Variants in DNAH6 observed in about 807,000 individuals in gnomAD.
DNAH6 encodes the protein axonemal beta dynein heavy chain 6.
DNAH6 carries 340 observed loss-of-function variants against 491.4 expected under a neutral mutation model. The ratio of observed to expected loss-of-function variants is 0.69; its 90% CI spans 0.63 to 0.76. DNAH6 has a LOEUF of 0.76. DNAH6 is among the 30% of genes least tolerant of loss of function. The pLI is 0.00. For missense variants in DNAH6, 4,443 were observed against 4,972.2 expected (o/e 0.89, Z 3.20); for synonymous variants, 1,603 against 1,686.1 (o/e 0.95, Z 1.21).
intron 12 of DNAH6, among the ~76,000 whole-genome samples, chr2:84,576,028 A>G (rs1682408628): frequency 6.6e-6 from 1 of 152,240 alleles, no homozygotes; most frequent in Non-Finnish European, 1.5e-5. Context: ...AATGGTTCCC[A>G]AAGTTGTGTT....
At chr2:84,793,203 C>A (rs1014335148) in intron 68 of DNAH6, among the ~76,000 whole-genome samples, 3 of 146,538 alleles carry the variant, frequency 2.0e-5, no homozygotes, top group Non-Finnish European at 4.5e-5. Context: ...CACACACACG[C>A]ATGCACACAC....
At chr2:84,509,363 T>G in the DNAH6 span, among the ~76,000 whole-genome samples, 1 of 152,224 alleles carries the variant, frequency 6.6e-6, no homozygotes, top group South Asian at 2.1e-4. Context: ...CTTGTTGGTT[T>G]AAAGTCTGTT....
At chr2:84,819,267 C>G in intron 76 of DNAH6, 38 bp from the exon 77 acceptor site, 1 of 1,418,340 alleles carries the variant, frequency 7.1e-7, no homozygotes, top group Middle Eastern at 1.8e-4. Context: ...AAGTTATTCT[C>G]TTAAGTAACA....
At position 84,584,198 on chromosome 2, in the gene DNAH6, G is replaced by A. The variant is rs1393812966; in HGVS notation, c.2429G>A (p.Ser810Asn). 4.3e-6 allele frequency: 7 copies of A among 1,614,008 alleles called. No homozygotes were observed. Among genetic ancestry groups the A allele is most frequent in the Admixed American group, 3.3e-5 (2 of 59,994 alleles). The stretch of plus-strand genomic sequence containing the variant: ...AAGCAATTTTGTGTGCATTTGGGTA[G>A]TGATCTTGAAGAATTAAACAACGAA... Reference protein sequence around the residue: ...SIKQFCVHLGSDLEELNNEVN... With the variant: ...SIKQFCVHLGNDLEELNNEVN... Residue 810 changes from serine (S) to asparagine (N), a missense_variant, in exon 15 of 77, where the codon AGT (serine) becomes AAT (asparagine). By Grantham distance (46) the Ser-to-Asn change is conservative. Coordinates refer to ENST00000389394, the MANE Select transcript of DNAH6 (RefSeq NM_001370.2).
chr2:84,672,359 G>A lies in DNAH6; in HGVS notation c.6487G>A (p.Val2163Ile), dbSNP rs1488785314. The change falls in exon 40 of 77, where the codon GTT (valine) becomes ATT (isoleucine). Residue 2163 changes from valine to isoleucine, a missense_variant. Transcript: ENST00000389394. ...GGGAAACAAACGAATTGTGATTTTTGTTGATGATTTAAACATGCCCAGACT... is the reference window on the plus strand; with the variant it reads ...GGGAAACAAACGAATTGTGATTTTTATTGATGATTTAAACATGCCCAGACT... ...APGNKRIVIF[V>I]DDLNMPRLDR... The A allele has an allele frequency of 1.9e-6, 3 of 1,549,930 alleles. No individual in the cohort carries two copies. The highest frequency in any genetic ancestry group is 1.7e-4 in the Middle Eastern group (1 of 5,984).
intron 21 of DNAH6, among the ~76,000 whole-genome samples, chr2:84,610,956 G>A (rs1310727650): frequency 1.3e-4 from 20 of 152,166 alleles, no homozygotes; most frequent in Non-Finnish European, 1.5e-5. Flanking sequence ...TGGAAAGTGT[G>A]AGACCTGAGA....
chr2:84,624,384 A>T lies in DNAH6; in HGVS notation c.4191A>T (p.Gln1397His). The change falls in exon 27 of 77, where the codon CAA becomes CAT. Residue 1397 changes from glutamine to histidine, a missense_variant. This residue lies in a region of DNAH6 where 2,977 missense variants were observed against 3,296.6 expected (regional missense o/e 0.90). Transcript: ENST00000389394. ...HARDIVTELV[Q>H]SKVETVESFD... ...GAGATATAGTCACTGAACTTGTTCA[A>T]TCCAAGGTAACTGTTTCATTTAAGT... is the stretch of plus-strand genomic sequence containing the variant. The T allele has an allele frequency of 6.4e-7, 1 of 1,550,590 alleles. No individual in the cohort carries two copies.
chr2:84,806,813 G>A (rs905149206), intron 71 of DNAH6, among the ~76,000 whole-genome samples: 14 of 152,176 alleles, frequency 9.2e-5, no homozygotes, highest in African/African-American at 3.4e-4. Context: ...GCCCCTGGAA[G>A]AAAAGGAGCC....
chr2:84,653,127 A>G (rs1690608791), intron 33 of DNAH6, among the ~76,000 whole-genome samples, 192 bp from the exon 34 acceptor site: 1 of 152,126 alleles, frequency 6.6e-6, no homozygotes, highest in African/African-American at 2.4e-5. Context: ...ACAGGAAACA[A>G]ACAAAATCAT....
chr2:84,540,033 C>G (rs1678089378), intron 4 of DNAH6, among the ~76,000 whole-genome samples: 1 of 152,102 alleles, frequency 6.6e-6, no homozygotes, highest in African/African-American at 2.4e-5. Context: ...ACACCCAAAT[C>G]ATAATACTTT....
intron 3 of DNAH6, among the ~76,000 whole-genome samples, chr2:84,528,347 C>T (rs1011718570): frequency 3.9e-5 from 6 of 152,156 alleles, no homozygotes; most frequent in Non-Finnish European, 8.8e-5. Context: ...AAGCACTGGT[C>T]TAAAAAACAG....
At chr2:84,518,524 G>C (rs1675812377) in intron 2 of DNAH6, among the ~76,000 whole-genome samples, 2 of 152,204 alleles carry the variant, frequency 1.3e-5, no homozygotes, top group Non-Finnish European at 2.9e-5. Context: ...GTAAAGAGCA[G>C]TGAAAGCGAA....
At chr2:84,487,458 A>G in the DNAH6 span, among the ~76,000 whole-genome samples, 1 of 152,200 alleles carries the variant, frequency 6.6e-6, no homozygotes, top group African/African-American at 2.4e-5. Context: ...AGCAACTGCA[A>G]TGGTATTCAT....
intron 33 of DNAH6, among the ~76,000 whole-genome samples, chr2:84,650,617 T>C (rs1690367685): frequency 6.6e-6 from 1 of 152,148 alleles, no homozygotes; most frequent in Non-Finnish European, 1.5e-5. Context: ...CTGTGTGTAG[T>C]CACATGTACC....
At position 84,525,592 on chromosome 2, in the gene DNAH6, A is replaced by G. The variant is rs865923563; in HGVS notation, c.253A>G (p.Lys85Glu). 1.0e-5 allele frequency: 16 copies of G among 1,547,848 alleles called. No individual in the cohort carries two copies. The Middle Eastern group carries it at 5.0e-4, about 49-fold the overall frequency. ...LPVLKVYQDH[K>E]QPEYIHEQNR... ...AGTGCTAAAAGTCTACCAAGATCAT[A>G]AGCAGCCAGAATACATACATGAACA... The change falls in exon 3 of 77, where the codon AAG becomes GAG. Residue 85 changes from lysine (K) to glutamate (E), a missense_variant. Lys to Glu is a moderately conservative substitution (Grantham distance 56). Transcript: ENST00000389394.
intron 58 of DNAH6, among the ~76,000 whole-genome samples, chr2:84,717,325 G>A (rs1435023585): frequency 6.6e-6 from 1 of 152,110 alleles, no homozygotes; most frequent in Admixed American, 6.5e-5. Context: ...TGAATTTGAG[G>A]TTATGATTTT....
chr2:84,509,098 G>T, the DNAH6 span, among the ~76,000 whole-genome samples: 25 of 152,280 alleles, frequency 1.6e-4, no homozygotes, highest in East Asian at 2.5e-3. Context: ...TTGGTGCAGA[G>T]CTGAGTTCAA....
chr2:84,550,200 C>A (rs1053137057), intron 9 of DNAH6, 143 bp downstream of exon 9: 11 of 652,544 alleles, frequency 1.7e-5, no homozygotes, highest in Non-Finnish European at 2.7e-5. Context: ...ATTTTGGACA[C>A]CAGAGACCAG....
At chr2:84,545,406 A>G (rs1191176099) in intron 5 of DNAH6, among the ~76,000 whole-genome samples, 3 of 152,144 alleles carry the variant, frequency 2.0e-5, no homozygotes, top group Non-Finnish European at 4.4e-5. Context: ...AGGATACATC[A>G]GTCATTTGAA....
Sources: allele counts gnomAD v4.1 joint callset (sites outside exome capture counted in the v4.1 genomes callset), GRCh38; gene constraint gnomAD v4.1.1; regional missense constraint gnomAD v4.1.1; transcripts MANE v1.5; gene names NCBI Gene and HGNC (gene_info 2026-07-23, HGNC 2026-07-21).